Variants in SFSWAP observed in about 807,000 individuals in gnomAD.
SFSWAP encodes the protein splicing factor SWAP.
Under a neutral mutation model 100.7 loss-of-function variants are expected in SFSWAP, and 17 were observed. That is an observed-to-expected ratio of 0.17 (90% CI 0.12 to 0.25). The LOEUF (loss-of-function observed/expected upper bound fraction) is 0.25, where lower values mean the gene tolerates loss of function less well. Ranked by LOEUF, SFSWAP falls within the 10% of genes least tolerant of loss-of-function variation. SFSWAP has a pLI of 1.00. For missense variants in SFSWAP, 1,005 were observed against 1,262.6 expected (o/e 0.80, Z 3.09); for synonymous variants, 504 against 510.1 (o/e 0.99, Z 0.16).
intron 15 of SFSWAP, 149 bp downstream of exon 15, chr12:131,786,737 C>A: frequency 1.3e-6 from 1 of 796,710 alleles, no homozygotes; most frequent in East Asian, 2.7e-5. Flanking sequence ...CCCCCAGTGG[C>A]ATGGCCATCA....
At chr12:131,719,416 T>G in intron 3 of SFSWAP, 38 bp from the exon 4 acceptor site, 1 of 1,531,064 alleles carries the variant, frequency 6.5e-7, no homozygotes, top group Non-Finnish European at 9.0e-7. Context: ...CCTTCCTCCC[T>G]GCATTGTTCT....
At position 131,787,276 on chromosome 12, in the gene SFSWAP, A is replaced by C. The variant is rs570324335; in HGVS notation, c.2534+688A>C. On this transcript the variant is annotated intron_variant, in intron 15 of 17. Coordinates refer to ENST00000261674, the MANE Select transcript of SFSWAP (RefSeq NM_004592.4). ...AGAGGTTCCACCTTTCACTTCAGGA[A>C]ATAGGTCCACCATCTGTCCGCTCAC... Among the ~76,000 whole-genome samples, 168 of 151,008 alleles carry C rather than the reference A, an allele frequency of 1.1e-3. 1 individual carries two copies. Among genetic ancestry groups the C allele is most frequent in the African/African-American group, 4.0e-3 (160 of 40,404 alleles).
chr12:131,769,552 T>C lies in SFSWAP; in HGVS notation c.2142+3244T>C, dbSNP rs1357590039. On this transcript the variant is annotated intron_variant, in intron 13 of 17. Coordinates refer to ENST00000261674, the MANE Select transcript of SFSWAP (RefSeq NM_004592.4). ...TAGTTCCGCATCACAGCAACCAGAA[T>C]TATTTCCTTATAAACATAAGATATG... Among the ~76,000 whole-genome samples the C allele has an allele frequency of 3.9e-5, 6 of 152,224 alleles. No homozygotes were observed. The East Asian group carries it at 1.2e-3, about 29-fold the overall frequency.
At chr12:131,713,823 T>C in intron 1 of SFSWAP, 1 of 296,598 alleles carries the variant, frequency 3.4e-6, no homozygotes, top group Non-Finnish European at 6.1e-6. Context: ...CCTTTAGTTA[T>C]AAATGTTATC....
intron 15 of SFSWAP, among the ~76,000 whole-genome samples, chr12:131,795,964 C>T (rs12831938): frequency 0.39 from 43,553 of 110,754 alleles, 9,974 homozygotes; most frequent in Non-Finnish European, 0.49. Flanking sequence ...GCAAGCAGGA[C>T]GGGAGGGGAG....
rs779492105 is a variant in SFSWAP at position 131,799,504 on chromosome 12, G to C, written c.*16G>C. 28 of 1,612,660 alleles carry C rather than the reference G, an allele frequency of 1.7e-5. 1 individual carries two copies. Among genetic ancestry groups the C allele is most frequent in the Middle Eastern group, 3.3e-4 (2 of 6,054 alleles). ...CGCTTCCTGAGACGGGGCCAGCGGA[G>C]GCAGAGCCGGGAGGCTGCGTGGGCT... is the stretch of plus-strand genomic sequence containing the variant. On this transcript the variant is annotated 3_prime_UTR_variant, in exon 18 of 18. Coordinates refer to ENST00000261674, the MANE Select transcript of SFSWAP (RefSeq NM_004592.4).
chr12:131,744,961 C>T (rs921265589), intron 7 of SFSWAP, among the ~76,000 whole-genome samples: 3 of 152,134 alleles, frequency 2.0e-5, no homozygotes, highest in Non-Finnish European at 4.4e-5. Context: ...ATGAGAACAG[C>T]GCAGGAAAGA....
chr12:131,741,779 G>T (rs752596418), intron 7 of SFSWAP, among the ~76,000 whole-genome samples: 1 of 152,038 alleles, frequency 6.6e-6, no homozygotes, highest in Non-Finnish European at 1.5e-5. Context: ...GTGCTTTGTT[G>T]AATTCCTGTC....
At chr12:131,779,385 C>G (rs779879669) in intron 14 of SFSWAP, among the ~76,000 whole-genome samples, 1 of 151,898 alleles carries the variant, frequency 6.6e-6, no homozygotes, top group Non-Finnish European at 1.5e-5. Context: ...TGATGAGGAG[C>G]CAGTTTTTCA....
At chr12:131,729,768 C>T (rs904051268) in intron 7 of SFSWAP, among the ~76,000 whole-genome samples, 1 of 152,300 alleles carries the variant, frequency 6.6e-6, no homozygotes, top group East Asian at 1.9e-4. Flanking sequence ...TCCCAGGCAG[C>T]TCTGGTACCC....
chr12:131,723,564 A>AT (rs1429915220), intron 4 of SFSWAP, among the ~76,000 whole-genome samples: 3 of 151,844 alleles, frequency 2.0e-5, no homozygotes, highest in East Asian at 1.9e-4. Context: ...CAGGTATTTG[A>AT]TTTTTTTTCT....
chr12:131,753,095 C>T, intron 7 of SFSWAP, 28 bp from the exon 8 acceptor site: 1 of 1,612,448 alleles, frequency 6.2e-7, no homozygotes, highest in East Asian at 2.2e-5. Flanking sequence ...GCCGGCCATG[C>T]TCACTCCGGG....
rs761146121 is a variant in SFSWAP, at chr12:131,797,129, C to G, written c.2535-49C>G. ...AGATCCGAGCTTCTCCCTTTGTGCC[C>G]TGCCTTTAAACCAAAGCTGCATCTC... On this transcript the variant is annotated intron_variant, in intron 15 of 17. Transcript: ENST00000261674. The G allele has an allele frequency of 3.9e-6, 6 of 1,549,702 alleles. No homozygotes were observed. In the Admixed American group the frequency reaches 5.4e-5, roughly 14 times the overall value.
chr12:131,792,994 A>G (rs376260231), intron 15 of SFSWAP, among the ~76,000 whole-genome samples: 9 of 152,220 alleles, frequency 5.9e-5, no homozygotes, highest in African/African-American at 2.2e-4. Flanking sequence ...GAGCAGTGGG[A>G]TGGAATAGAA....
At chr12:131,755,578 G>A in intron 10 of SFSWAP, 99 bp downstream of exon 10, 2 of 790,046 alleles carry the variant, frequency 2.5e-6, no homozygotes, top group East Asian at 5.0e-5. Flanking sequence ...AGGTGAAAGG[G>A]CTGGGTGATT....
intron 12 of SFSWAP, among the ~76,000 whole-genome samples, chr12:131,765,903 A>G (rs931659150): frequency 1.3e-5 from 2 of 152,198 alleles, no homozygotes; most frequent in Non-Finnish European, 2.9e-5. Flanking sequence ...TCGTTAGTGT[A>G]GAGTCTCACC....
intron 1 of SFSWAP, chr12:131,713,249 C>T (rs1022078863): frequency 2.6e-5 from 4 of 152,222 alleles, no homozygotes; most frequent in African/African-American, 7.2e-5. Context: ...ACAGCATCCT[C>T]ATTGAATCCT....
In SFSWAP at chr12:131,771,931, G is replaced by A. The variant is rs180789499; in HGVS notation, c.2142+5623G>A. The stretch of plus-strand genomic sequence containing the variant: ...CCGCCTCAGCCTCTCAAAGTGCTGG[G>A]ATTACAAGCCTGAGCCACCGCTCCC... On this transcript the variant is annotated intron_variant, in intron 13 of 17. Coordinates refer to ENST00000261674, the MANE Select transcript of SFSWAP (RefSeq NM_004592.4). Among the ~76,000 whole-genome samples the A allele has an allele frequency of 1.5e-3, 226 of 152,256 alleles. 1 individual carries two copies. Among genetic ancestry groups the A allele is most frequent in the African/African-American group, 3.6e-3 (149 of 41,560 alleles).
At position 131,786,524 on chromosome 12, in the gene SFSWAP, A is replaced by G; in HGVS notation, c.2470A>G (p.Ser824Gly). Residue 824 changes from serine to glycine, a missense_variant, in exon 15 of 18, where the codon AGT (serine) becomes GGT (glycine). Physicochemically the swap from Ser to Gly is moderately conservative, Grantham distance 56. Coordinates refer to ENST00000261674, the MANE Select transcript of SFSWAP (RefSeq NM_004592.4). The stretch of plus-strand genomic sequence containing the variant: ...CCCTGAGAGACGGAGGGAAGAGAGG[A>G]GTGTGCCCACTGCCTACCGCGTGAG... ...HSPERRREER[S>G]VPTAYRVSRS... 6.3e-7 allele frequency: 1 copy of G among 1,587,886 alleles called. No homozygotes were observed. The highest frequency in any genetic ancestry group is 1.1e-5 in the South Asian group (1 of 87,110).
Sources: gnomAD v4.1 joint callset for allele counts (sites outside exome capture counted in the v4.1 genomes callset) on GRCh38, gnomAD v4.1.1 for gene constraint, MANE v1.5 for transcripts, NCBI Gene and HGNC (gene_info 2026-07-23, HGNC 2026-07-21) for gene names.